NOL10: variants seen among roughly 807,000 people sequenced by gnomAD.
NOL10 encodes the protein H_NH0074G24.1.
In NOL10, 58 loss-of-function variants were observed where a neutral mutation model predicts 103.5. The observed-to-expected ratio is 0.56, with a 90% CI of 0.45 to 0.70. The LOEUF (loss-of-function observed/expected upper bound fraction) is 0.70. Among genes scored for constraint, NOL10 ranks in the 30% least tolerant of loss-of-function variants. The probability of loss-of-function intolerance (pLI) is 0.00; values close to 1 mark genes in which losing one functional copy is unlikely to be tolerated. For missense variants in NOL10, 763 were observed against 807.3 expected (o/e 0.95, Z 0.67); for synonymous variants, 287 against 282.5 (o/e 1.02, Z -0.16).
chr2:10,685,342 A>C (rs1682078177), intron 1 of NOL10, among the ~76,000 whole-genome samples: 1 of 151,936 alleles, frequency 6.6e-6, no homozygotes, highest in Admixed American at 6.6e-5. Context: ...AAATACAAAA[A>C]ATTAGCTAGG....
chr2:10,600,476 T>C (rs963774178), intron 17 of NOL10, among the ~76,000 whole-genome samples: 15 of 152,208 alleles, frequency 9.9e-5, no homozygotes, highest in Non-Finnish European at 2.2e-4. Flanking sequence ...AAACAGAATA[T>C]GTAGCCATTA....
Position 10,657,747 on chromosome 2 carries a change from TC to T in NOL10, c.900del (p.Asn301ThrfsTer28). 1 of 1,549,606 alleles carries T rather than the reference TC, an allele frequency of 6.5e-7. No individual in the cohort carries two copies. The highest frequency in any genetic ancestry group is 8.7e-7 in the Non-Finnish European group (1 of 1,146,370). On this transcript the variant is annotated frameshift_variant, in exon 11 of 21. Transcript: ENST00000381685. LOFTEE classifies it high-confidence loss of function. ...ADSRIVKMWN[K>X]NSGKIFTSLE... ...TTTCAACCAAAAATACATACGGAGT[TC>T]TTATTCCACATCTTGACAATTCGAG...
rs1225985576 is a variant in NOL10, at chr2:10,642,641, C to T, written c.1026+1679G>A. The stretch of plus-strand genomic sequence containing the variant: ...CTGCACCCACTCTACTGTCAAGATC[C>T]GATCTACTGTCCAACCTGGGAAAGT... On this transcript the variant is annotated intron_variant, in intron 13 of 20. Transcript: ENST00000381685. Among the ~76,000 whole-genome samples the T allele has an allele frequency of 7.2e-5, 11 of 152,132 alleles. No homozygotes were observed. In the East Asian group the frequency reaches 1.5e-3, roughly 21 times the overall value.
At chr2:10,616,937 AAG>A (rs2148211951) in intron 13 of NOL10, among the ~76,000 whole-genome samples, 1 of 152,252 alleles carries the variant, frequency 6.6e-6, no homozygotes, top group South Asian at 2.1e-4. Context: ...TTATTCAACA[AAG>A]AGTTACCTCC....
intron 17 of NOL10, among the ~76,000 whole-genome samples, chr2:10,593,573 T>C (rs1335965781): frequency 1.3e-5 from 2 of 152,112 alleles, no homozygotes; most frequent in Non-Finnish European, 2.9e-5. Context: ...AAAAGGAGCT[T>C]TATAAAAAGG....
At chr2:10,585,214 G>A (rs1674961886) in intron 19 of NOL10, among the ~76,000 whole-genome samples, 1 of 152,180 alleles carries the variant, frequency 6.6e-6, no homozygotes, top group South Asian at 2.1e-4. Context: ...AATAGAGCAA[G>A]ACAAAAACAG....
intron 19 of NOL10, among the ~76,000 whole-genome samples, chr2:10,581,190 G>C (rs946248802): frequency 3.3e-5 from 5 of 152,114 alleles, no homozygotes; most frequent in Non-Finnish European, 7.3e-5. Flanking sequence ...CTTAATATCC[G>C]GCGTTGCTGG....
chr2:10,689,892 T>A lies in NOL10; in HGVS notation c.-31A>T, dbSNP rs772127698. On this transcript the variant is annotated 5_prime_UTR_variant, in exon 1 of 21. Coordinates refer to ENST00000381685, the MANE Select transcript of NOL10 (RefSeq NM_024894.4). ...CGCACAACACTGTTCAAGTCCCGGG[T>A]CCTTTCCCACCAGCGTGCTCGAGCA... is the stretch of plus-strand genomic sequence containing the variant. 6.3e-7 allele frequency: 1 copy of A among 1,581,684 alleles called. No individual in the cohort carries two copies. The highest frequency in any genetic ancestry group is 1.8e-5 in the Admixed American group (1 of 55,868).
intron 8 of NOL10, among the ~76,000 whole-genome samples, chr2:10,666,050 T>A (rs1680548586): frequency 6.6e-6 from 1 of 151,482 alleles, no homozygotes; most frequent in Non-Finnish European, 1.5e-5. Flanking sequence ...CCCTTCCCCA[T>A]CCAGTAATCC....
At chr2:10,587,168 C>T (rs182766897) in intron 19 of NOL10, among the ~76,000 whole-genome samples, 15,568 of 35,156 alleles carry the variant, frequency 0.44, 5,764 homozygotes, top group Non-Finnish European at 0.55. Context: ...CACATATATA[C>T]ACATATATAT....
At chr2:10,612,261 C>A (rs1676612191) in intron 13 of NOL10, among the ~76,000 whole-genome samples, 1 of 152,104 alleles carries the variant, frequency 6.6e-6, no homozygotes, top group Non-Finnish European at 1.5e-5. Context: ...TTGAAGATTA[C>A]CAGATAAATG....
At chr2:10,572,467 C>T (rs560369526) in intron 20 of NOL10, among the ~76,000 whole-genome samples, 6 of 152,252 alleles carry the variant, frequency 3.9e-5, no homozygotes, top group Admixed American at 3.9e-4. Context: ...ACAGACCAGC[C>T]TCCTACAAAG....
At chr2:10,611,763 A>G (rs565964120) in intron 13 of NOL10, among the ~76,000 whole-genome samples, 1 of 152,256 alleles carries the variant, frequency 6.6e-6, no homozygotes, top group African/African-American at 2.4e-5. Context: ...TATAAATACA[A>G]AAATTAGCCA....
intron 8 of NOL10, among the ~76,000 whole-genome samples, chr2:10,665,549 C>T (rs374690879): frequency 5.3e-5 from 8 of 152,284 alleles, no homozygotes; most frequent in South Asian, 2.1e-4. Flanking sequence ...AAGGAATTTC[C>T]GGAAGCCCAG....
At chr2:10,657,661 T>C (rs1679929662) in intron 11 of NOL10, 81 bp downstream of exon 11, 2 of 1,248,380 alleles carry the variant, frequency 1.6e-6, no homozygotes, top group Non-Finnish European at 2.2e-6. Context: ...ATAACCCACA[T>C]AAAAAAGGAA....
intron 16 of NOL10, 128 bp from the exon 17 acceptor site, chr2:10,601,070 TA>T (rs1240277010): frequency 1.7e-5 from 10 of 582,078 alleles, no homozygotes; most frequent in African/African-American, 1.2e-4. Context: ...CTTATTTTAT[TA>T]TTTTTTTTTT....
At chr2:10,642,619 C>T (rs1481779001) in intron 13 of NOL10, among the ~76,000 whole-genome samples, 1 of 152,100 alleles carries the variant, frequency 6.6e-6, no homozygotes, top group Non-Finnish European at 1.5e-5. Flanking sequence ...CGCAGCTCTG[C>T]ACCCACTCTA....
chr2:10,611,396 T>C (rs955810649), intron 13 of NOL10, among the ~76,000 whole-genome samples: 8 of 152,226 alleles, frequency 5.3e-5, no homozygotes, highest in Non-Finnish European at 8.8e-5. Context: ...GCTTCTATGA[T>C]TACAATTTGT....
intron 20 of NOL10, among the ~76,000 whole-genome samples, chr2:10,576,712 T>C (rs6704981): frequency 0.033 from 5,034 of 152,242 alleles, 288 homozygotes; most frequent in African/African-American, 0.12. Context: ...GGCTGGCGGA[T>C]GAAAAGATGG....
Sources: allele counts gnomAD v4.1 joint callset (sites outside exome capture counted in the v4.1 genomes callset), GRCh38; gene constraint gnomAD v4.1.1; transcripts MANE v1.5; gene names NCBI Gene and HGNC (gene_info 2026-07-23, HGNC 2026-07-21).